Variants in APC observed in about 807,000 individuals in gnomAD.
The protein encoded by APC is adenomatous polyposis coli protein.
APC carries 72 observed loss-of-function variants against 247.0 expected under a neutral mutation model. That is an observed-to-expected ratio of 0.29 (90% confidence interval 0.24 to 0.35). APC has a LOEUF of 0.35. Ranked by LOEUF, APC falls within the 10% of genes least tolerant of loss-of-function variation. The pLI, the probability that APC is intolerant of heterozygous loss-of-function variation, is 1.00. For synonymous variants in APC, 1,254 were observed against 1,162.5 expected (o/e 1.08, Z -1.60); for missense variants, 3,400 against 3,360.7 (o/e 1.01, Z -0.29).
In APC at chr5:112,838,587, G is replaced by T. The variant is rs759579036; in HGVS notation, c.2993G>T (p.Gly998Val). ...GATGAAAGTAAGTTTTGCAGTTATG[G>T]TCAATACCCAGCCGACCTAGCCCAT... ...EDDESKFCSY[G>V]QYPADLAHKI... is the part of the protein sequence containing the mutation. Residue 998 changes from glycine to valine, a missense_variant, in exon 16 of 16, where the codon GGT becomes GTT. Gly to Val is a moderately radical substitution (Grantham distance 109). Around this residue, in one of 9 missense-constraint regions of APC, gnomAD observed 715 missense variants for 656.6 expected, o/e 1.09. Transcript: ENST00000257430. 5.0e-6 allele frequency: 8 copies of T among 1,613,982 alleles called. No homozygotes were observed. The Admixed American group carries it at 1.3e-4, about 27-fold the overall frequency.
At chr5:112,820,216 C>CAT (rs35756702) in intron 10 of APC, among the ~76,000 whole-genome samples, 10 of 151,732 alleles carry the variant, frequency 6.6e-5, no homozygotes, top group Non-Finnish European at 1.2e-4. Context: ...CACACACACA[C>CAT]GTGCACTACA....
chr5:112,713,802 C>T (rs973005363), intron 1 of APC, among the ~76,000 whole-genome samples: 1 of 151,940 alleles, frequency 6.6e-6, no homozygotes, highest in African/African-American at 2.4e-5. Flanking sequence ...AAGTAGCTGG[C>T]GCCTGCCACC....
At chr5:112,832,052 T>G (rs2149830212) in intron 14 of APC, among the ~76,000 whole-genome samples, 1 of 152,358 alleles carries the variant, frequency 6.6e-6, no homozygotes, top group African/African-American at 2.4e-5. Context: ...TTTAAGTTTT[T>G]CTATTCTACC....
intron 1 of APC, among the ~76,000 whole-genome samples, chr5:112,722,419 T>G (rs866950211): frequency 1.2e-4 from 19 of 152,322 alleles, no homozygotes; most frequent in Middle Eastern, 6.8e-3. Context: ...CAGACACCTG[T>G]GACCAAAGAC....
intron 6 of APC, among the ~76,000 whole-genome samples, chr5:112,785,748 A>G (rs1758866524): frequency 6.6e-6 from 1 of 152,220 alleles, no homozygotes; most frequent in African/African-American, 2.4e-5. Flanking sequence ...AAATTACTCA[A>G]TAAATTATAT....
chr5:112,807,456 A>G (rs905580662), intron 8 of APC, among the ~76,000 whole-genome samples: 3 of 152,084 alleles, frequency 2.0e-5, no homozygotes, highest in Non-Finnish European at 4.4e-5. Flanking sequence ...TTGTCATTTA[A>G]TAATACTTTG....
chr5:112,792,474 A>T lies in APC; in HGVS notation c.674A>T (p.Glu225Val), dbSNP rs1255190244. 6.2e-7 allele frequency: 1 copy of T among 1,611,170 alleles called. No homozygotes were observed. Among genetic ancestry groups the T allele is most frequent in the Non-Finnish European group, 8.5e-7 (1 of 1,178,464 alleles). The change falls in exon 7 of 16, where the codon GAA becomes GTA. Residue 225 changes from glutamate (E) to valine (V), a missense_variant. Transcript: ENST00000257430. ...QRRIARIQQI[E>V]KDILRIRQLL... ...AGAATAGCCAGAATTCAGCAAATCGAAAAGGACATACTTCGTATACGACAG... is the reference window on the plus strand; with the variant it reads ...AGAATAGCCAGAATTCAGCAAATCGTAAAGGACATACTTCGTATACGACAG...
chr5:112,798,160 C>T (rs1760408380), intron 7 of APC, among the ~76,000 whole-genome samples: 1 of 152,102 alleles, frequency 6.6e-6, no homozygotes, highest in Non-Finnish European at 1.5e-5. Context: ...ATAATAGCCT[C>T]AAAGGAGAAG....
chr5:112,757,524 G>A (rs994577958), intron 2 of APC, among the ~76,000 whole-genome samples: 1 of 152,018 alleles, frequency 6.6e-6, no homozygotes, highest in Non-Finnish European at 1.5e-5. Flanking sequence ...TTTGAGCTCA[G>A]GAATTTGAGA....
rs78971133 is a variant in APC at position 112,783,510 on chromosome 5, A to G, written c.645+2607A>G. ...ACAAATCAATTGAAAATGGTCAACC[A>G]TGCCAGGCATGGTGATTCACACCTG... On this transcript the variant is annotated intron_variant, in intron 6 of 15. Transcript: ENST00000257430. Among the ~76,000 whole-genome samples the G allele has an allele frequency of 1.6e-4, 24 of 151,880 alleles. No homozygotes were observed. In the South Asian group the frequency reaches 4.6e-3, roughly 29 times the overall value.
chr5:112,756,342 G>A (rs1408486519), intron 2 of APC, among the ~76,000 whole-genome samples: 1 of 151,822 alleles, frequency 6.6e-6, no homozygotes, highest in East Asian at 1.9e-4. Flanking sequence ...AAATCCCTTG[G>A]GAAATAAGGT....
intron 1 of APC, among the ~76,000 whole-genome samples, chr5:112,748,304 G>T (rs1384705644): frequency 6.6e-6 from 1 of 152,054 alleles, no homozygotes; most frequent in Non-Finnish European, 1.5e-5. Context: ...ATAGAAAAGG[G>T]TTGTTAAAGA....
At chr5:112,781,033 A>G (rs1232853022) in intron 6 of APC, 130 bp downstream of exon 6, 2 of 715,478 alleles carry the variant, frequency 2.8e-6, no homozygotes, top group South Asian at 1.5e-5. Flanking sequence ...CTATTTCAAA[A>G]TAAGATTTAT....
At chr5:112,780,406 T>C (rs79193025) in intron 5 of APC, among the ~76,000 whole-genome samples, 1,679 of 152,322 alleles carry the variant, frequency 0.011, 8 homozygotes, top group Middle Eastern at 0.034. Flanking sequence ...TCTTGATATT[T>C]CTATGTTGTC....
chr5:112,830,093 T>C (rs747339780), intron 14 of APC: 1 of 150,858 alleles, frequency 6.6e-6, no homozygotes, highest in East Asian at 1.9e-4. Context: ...AAAAGGTTTG[T>C]TTTTTTTTGG....
rs35530363 is a variant in APC at position 112,832,446 on chromosome 5, T to C, written c.1744-2505T>C. 4.9e-3 allele frequency among the ~76,000 whole-genome samples: 749 copies of C among 152,352 alleles called. 7 individuals are homozygous for C. Among genetic ancestry groups the C allele is most frequent in the African/African-American group, 0.017 (716 of 41,582 alleles). On this transcript the variant is annotated intron_variant, in intron 14 of 15. Coordinates refer to ENST00000257430, the MANE Select transcript of APC (RefSeq NM_000038.6). ...CCTACCACTTATGTGACAAATTATG[T>C]CTAAACCTGCTCCTAGATTGTTTTG...
At chr5:112,738,509 C>G (rs1003729124) in intron 1 of APC, 1 of 985,092 alleles carries the variant, frequency 1.0e-6, no homozygotes, top group Admixed American at 6.1e-5. Flanking sequence ...TACTGGTCAC[C>G]AGTAGTGTGC....
intron 1 of APC, among the ~76,000 whole-genome samples, chr5:112,723,434 C>G (rs528657460): frequency 1.3e-5 from 2 of 151,964 alleles, no homozygotes; most frequent in South Asian, 4.1e-4. Flanking sequence ...TGCACTCCAG[C>G]CTGGGGTGAC....
chr5:112,780,338 T>A (rs930066312), intron 5 of APC, among the ~76,000 whole-genome samples: 1 of 152,190 alleles, frequency 6.6e-6, no homozygotes, highest in African/African-American at 2.4e-5. Context: ...TTAATCTGTA[T>A]GTATATGGTA....
Sources: allele counts gnomAD v4.1 joint callset (sites outside exome capture counted in the v4.1 genomes callset), GRCh38; gene constraint gnomAD v4.1.1; regional missense constraint gnomAD v4.1.1; transcripts MANE v1.5; gene names NCBI Gene and HGNC (gene_info 2026-07-23, HGNC 2026-07-21).